The following RCC1L variants were observed in gnomAD, a reference collection of about 807,000 sequenced individuals.
RCC1L encodes the protein RCC1-like G exchanging factor-like protein.
A neutral mutation model predicts 58.6 loss-of-function variants in RCC1L; 46 were observed. That is an observed-to-expected ratio of 0.79 (90% CI 0.62 to 1.00). The LOEUF is 1.00. Ranked by LOEUF, RCC1L falls within the 50% of genes least tolerant of loss-of-function variation. RCC1L has a pLI of 0.00. For synonymous variants in RCC1L, 281 were observed against 262.9 expected (o/e 1.07, Z -0.67); for missense variants, 636 against 623.6 (o/e 1.02, Z -0.21).
intron 9 of RCC1L, 136 bp from the exon 10 acceptor site, chr7:75,052,932 A>G (rs1176215157): frequency 2.8e-5 from 24 of 860,306 alleles, no homozygotes; most frequent in Non-Finnish European, 3.6e-5. Flanking sequence ...CCAGGCGTTC[A>G]TGCTTTCTTT....
rs1806120684 is a variant in RCC1L at position 75,057,565 on chromosome 7, C to A, written c.1021G>T (p.Ala341Ser). The change falls in exon 8 of 11, where the codon GCT (alanine) becomes TCT (serine). Residue 341 changes from alanine (A) to serine (S), a missense_variant. Ala to Ser is a moderately conservative substitution (Grantham distance 99). Transcript: ENST00000610322. ...HFSGVGKVRQ[A>S]ACGGTGCAVL... ...GCACAGCCCGTGCCACCGCATGCAG[C>A]CTGTCGCACCTTCCCCACTCCTGAG... 3.1e-6 allele frequency: 5 copies of A among 1,613,818 alleles called. No individual in the cohort carries two copies. The African/African-American group carries it at 6.7e-5, about 22-fold the overall frequency.
chr7:75,039,876 G>A (rs1233756233), downstream of RCC1L, among the ~76,000 whole-genome samples: 3 of 152,192 alleles, frequency 2.0e-5, no homozygotes, highest in Non-Finnish European at 4.4e-5. Context: ...ATCAAGCCTA[G>A]CAACCGAGCT....
chr7:75,072,967 C>T (rs1239523542), intron 1 of RCC1L, among the ~76,000 whole-genome samples: 1 of 152,108 alleles, frequency 6.6e-6, no homozygotes, highest in African/African-American at 2.4e-5. Context: ...CAAAAAAATC[C>T]CCTTTCTGAG....
chr7:75,072,291 T>G (rs924125008), intron 1 of RCC1L, among the ~76,000 whole-genome samples: 8 of 148,900 alleles, frequency 5.4e-5, no homozygotes, highest in Non-Finnish European at 1.2e-4. Flanking sequence ...CCTCCCAAAG[T>G]GCTGAAATTA....
intron 8 of RCC1L, 23 bp downstream of exon 8, chr7:75,057,506 A>C: frequency 6.2e-7 from 1 of 1,612,360 alleles, no homozygotes; most frequent in African/African-American, 1.3e-5. Flanking sequence ...CTTCCCAATG[A>C]GCCACCGGAA....
At chr7:75,050,609 G>A (rs1332313932) in intron 10 of RCC1L, among the ~76,000 whole-genome samples, 1 of 152,192 alleles carries the variant, frequency 6.6e-6, no homozygotes, top group Non-Finnish European at 1.5e-5. Context: ...CGAAAGAAAG[G>A]GCAAAGTGAG....
rs1554444231 is a variant in RCC1L at position 75,058,715 on chromosome 7, G to GCC, written c.840_841dup (p.Ala281GlyfsTer4). 6.2e-7 allele frequency: 1 copy of GCC among 1,613,924 alleles called. No homozygotes were observed. The highest frequency in any genetic ancestry group is 8.5e-7 in the Non-Finnish European group (1 of 1,179,854). ...GGCAACTTGGATAACGTTCACTCCC[G>GCC]CCAGGTCTCCACCCAGCTTGGTGGG... On this transcript the variant is annotated frameshift_variant, in exon 7 of 11. Coordinates refer to ENST00000610322, the MANE Select transcript of RCC1L (RefSeq NM_030798.5). LOFTEE classifies it high-confidence loss of function.
At chr7:75,072,905 A>T (rs1806817198) in intron 1 of RCC1L, among the ~76,000 whole-genome samples, 2 of 152,154 alleles carry the variant, frequency 1.3e-5, no homozygotes, top group South Asian at 4.1e-4. Flanking sequence ...ACACCACTGC[A>T]CTCCAGCCTG....
Position 75,048,230 on chromosome 7 carries a change from G to GTAC in RCC1L, c.1317+4478_1317+4480dup, listed in dbSNP as rs1196643529. Among the ~76,000 whole-genome samples, 28 of 141,638 alleles carry GTAC rather than the reference G, an allele frequency of 2.0e-4. No individual in the cohort carries two copies. In the East Asian group the frequency reaches 2.8e-3, roughly 14 times the overall value. The allele number at this position is 141,638 out of a possible 152,430, so 92.9% of individuals were successfully genotyped here. ...TGCAGTGAGCCCAGATTGTGCCACT[G>GTAC]TACTCCAACCTGGGTGACAAAGCAG... On this transcript the variant is annotated intron_variant, in intron 10 of 10. Coordinates refer to ENST00000610322, the MANE Select transcript of RCC1L (RefSeq NM_030798.5).
At chr7:75,027,997 T>TTACCTGTTTG in exon 11 of RCC1L, 1 of 1,533,420 alleles carries the variant, frequency 6.5e-7, no homozygotes, top group East Asian at 2.4e-5. Flanking sequence ...TGCATGGAAC[T>TTACCTGTTTG]CCTTACCTGT....
chr7:75,047,317 A>G (rs1805754603), intron 10 of RCC1L, among the ~76,000 whole-genome samples: 3 of 152,038 alleles, frequency 2.0e-5, no homozygotes, highest in African/African-American at 7.2e-5. Flanking sequence ...CCCCGGCTGG[A>G]GCGCAGTGGT....
In RCC1L at chr7:75,058,569, G is replaced by A. The variant is rs898786905; in HGVS notation, c.969+19C>T. On this transcript the variant is annotated intron_variant, in intron 7 of 10. Transcript: ENST00000610322. ...ATGTTTCCAAACCTCCCAGCACCAC[G>A]CTGTCGGCGACTGCATACCTGTGTG... is the stretch of plus-strand genomic sequence containing the variant. The A allele has an allele frequency of 1.3e-5, 20 of 1,578,520 alleles. No homozygotes were observed. In the African/African-American group the frequency reaches 2.0e-4, roughly 16 times the overall value.
At chr7:75,035,005 A>G (rs901065101) in intron 10 of RCC1L, among the ~76,000 whole-genome samples, 26 of 152,130 alleles carry the variant, frequency 1.7e-4, no homozygotes, top group African/African-American at 5.1e-4. Context: ...CTGGGCACCA[A>G]GAGGGTTCCC....
chr7:75,043,899 C>T (rs1805638209), intron 10 of RCC1L, among the ~76,000 whole-genome samples: 1 of 152,192 alleles, frequency 6.6e-6, no homozygotes, highest in South Asian at 2.1e-4. Context: ...CTCCACTCAT[C>T]TTACCCGTCA....
At chr7:75,057,872 T>C in intron 7 of RCC1L, 1 of 500,348 alleles carries the variant, frequency 2.0e-6, no homozygotes, top group South Asian at 2.0e-5. Context: ...AAAATGACAT[T>C]TGTGGCCGGG....
At chr7:75,064,727 T>C (rs1554444864) in intron 3 of RCC1L, 79 bp from the exon 4 acceptor site, 1 of 1,512,676 alleles carries the variant, frequency 6.6e-7, no homozygotes, top group Non-Finnish European at 9.2e-7. Flanking sequence ...GGGGTCTCGC[T>C]GGTGGTCCCG....
intron 8 of RCC1L, chr7:75,056,583 G>A (rs1360704566): frequency 3.3e-6 from 5 of 1,533,650 alleles, no homozygotes; most frequent in Non-Finnish European, 4.4e-6. Flanking sequence ...GCTGAAGGCT[G>A]TTCTCCCATC....
intron 8 of RCC1L, among the ~76,000 whole-genome samples, 180 bp from the exon 9 acceptor site, chr7:75,056,254 A>C (rs1226944984): frequency 2.0e-5 from 3 of 151,942 alleles, no homozygotes; most frequent in Non-Finnish European, 4.4e-5. Flanking sequence ...TAGAATAATA[A>C]TTCTCTCTCC....
Position 75,064,583 on chromosome 7 carries a change from T to C in RCC1L, c.649A>G (p.Ser217Gly), listed in dbSNP as rs1806394112. Residue 217 changes from serine (S) to glycine (G), a missense_variant and splice_region_variant, in exon 4 of 11, where the codon AGT becomes GGT. Ser to Gly is a moderately conservative substitution (Grantham distance 56). Transcript: ENST00000610322. ...GRKVVENEIY[S>G]ESHRVHRMQD... ...AGGGTAGGCCTTTTAGGAACTCACC[T>C]GTAAATTTCATTTTCGACCACCTTT... 10 of 1,613,888 alleles carry C rather than the reference T, an allele frequency of 6.2e-6. 1 individual carries two copies. In the South Asian group the frequency reaches 9.9e-5, roughly 16 times the overall value.
Sources: allele counts gnomAD v4.1 joint callset (sites outside exome capture counted in the v4.1 genomes callset), GRCh38; gene constraint gnomAD v4.1.1; transcripts MANE v1.5; gene names NCBI Gene and HGNC (gene_info 2026-07-23, HGNC 2026-07-21).